NF1: variants seen among roughly 807,000 people sequenced by gnomAD.
NF1 encodes the protein neurofibromin 1.
A neutral mutation model predicts 325.7 loss-of-function variants in NF1; 122 were observed. The ratio of observed to expected loss-of-function variants is 0.37; its 90% confidence interval spans 0.32 to 0.44. The LOEUF (loss-of-function observed/expected upper bound fraction) is 0.44, where lower values mean the gene tolerates loss of function less well. NF1 is among the 20% of genes least tolerant of loss of function. The pLI is 1.00. For missense variants in NF1, 2,140 were observed against 3,415.4 expected, an observed-to-expected ratio of 0.63 and a Z score of 9.31; for synonymous variants, 1,091 against 1,186.0, an observed-to-expected ratio of 0.92 and a Z score of 1.65.
intron 36 of NF1, among the ~76,000 whole-genome samples, chr17:31,287,007 G>T (rs1411537899): frequency 6.6e-6 from 1 of 152,156 alleles, no homozygotes; most frequent in East Asian, 1.9e-4. Context: ...GCGTTTCCTG[G>T]TGTGAGTATT....
intron 48 of NF1, among the ~76,000 whole-genome samples, chr17:31,348,443 A>G (rs377272753): frequency 6.8e-6 from 1 of 146,970 alleles, no homozygotes; most frequent in Non-Finnish European, 1.5e-5. Flanking sequence ...TCTAGCCAAC[A>G]TTGAGTCACT....
chr17:31,097,822 A>G (rs1911899518), intron 1 of NF1, among the ~76,000 whole-genome samples: 1 of 151,938 alleles, frequency 6.6e-6, no homozygotes, highest in Admixed American at 6.6e-5. Flanking sequence ...TCAGTCTCCC[A>G]AGTAGCTGGG....
chr17:31,214,337 T>C, intron 12 of NF1, 114 bp from the exon 13 acceptor site: 1 of 722,268 alleles, frequency 1.4e-6, no homozygotes. Context: ...ACACATTTGG[T>C]AGTATAAAAA....
At chr17:31,337,982 A>AACACAAAGGTTTTTATAAGTTCTGTGG in intron 44 of NF1, 43 bp from the exon 45 acceptor site, 2 of 1,568,548 alleles carry the variant, frequency 1.3e-6, no homozygotes, top group Non-Finnish European at 1.8e-6. Flanking sequence ...AGTATATATA[A>AACACAAAGGTTTTTATAAGTTCTGTGG]ACACAAAGGT....
chr17:31,307,583 A>G (rs907811231), intron 36 of NF1, among the ~76,000 whole-genome samples: 2 of 152,216 alleles, frequency 1.3e-5, no homozygotes, highest in Non-Finnish European at 2.9e-5. Flanking sequence ...TACTTCTCCC[A>G]TCTAACTACC....
At position 31,225,142 on chromosome 17, in the gene NF1, A is replaced by T. The variant is rs1597710471; in HGVS notation, c.1893A>T (p.Gly631=). 1.2e-6 allele frequency: 2 copies of T among 1,613,738 alleles called. No homozygotes were observed. Among genetic ancestry groups the T allele is most frequent in the African/African-American group, 1.3e-5 (1 of 74,984 alleles). ...SCHFLLFYGV[G]CDIPSSGNTS... ...ACTTTCTCCTTTTTTACGGGGTAGG[A>T]TGTGATATTCCTTCTAGTGGAAATA... The change falls in exon 17 of 58, where the codon GGA becomes GGT. Residue 631 remains glycine (G), a synonymous_variant. Coordinates refer to ENST00000358273, the MANE Select transcript of NF1 (RefSeq NM_001042492.3).
In NF1 at chr17:31,263,120, T is replaced by TAGATAGATAGATAGATAAGATA. The variant is rs149743607; in HGVS notation, c.4724+1268_4724+1269insGATAGATAGATAAGATAAGATA. 1.8e-3 allele frequency among the ~76,000 whole-genome samples: 173 copies of TAGATAGATAGATAGATAAGATA among 95,766 alleles called. 1 individual carries two copies. Among genetic ancestry groups the TAGATAGATAGATAGATAAGATA allele is most frequent in the African/African-American group, 4.4e-3 (162 of 36,684 alleles). The allele number at this position is 95,766 out of a possible 152,430, so 62.8% of individuals were successfully genotyped here. A position where few individuals can be genotyped will look rare whatever the true frequency, so the allele number is the denominator to read the frequency against. On this transcript the variant is annotated intron_variant, in intron 35 of 57. Coordinates refer to ENST00000358273, the MANE Select transcript of NF1 (RefSeq NM_001042492.3). ...GTAGGTAGGTAGGTAGATAGATAGA[T>TAGATAGATAGATAGATAAGATA]AGATAAGATAAGATAAGATAAGATA...
chr17:31,106,467 T>C (rs1912873953), intron 1 of NF1, among the ~76,000 whole-genome samples: 1 of 152,206 alleles, frequency 6.6e-6, no homozygotes. Flanking sequence ...TATAATTAAC[T>C]GAGTTAAACT....
chr17:31,322,556 A>AT (rs2069237954), intron 36 of NF1, among the ~76,000 whole-genome samples: 1 of 147,378 alleles, frequency 6.8e-6, no homozygotes, highest in Non-Finnish European at 1.5e-5. Context: ...ATGGCAGCAC[A>AT]TATCTGTAAT....
intron 39 of NF1, among the ~76,000 whole-genome samples, chr17:31,332,288 A>G (rs565760232): frequency 1.3e-5 from 2 of 151,832 alleles, no homozygotes; most frequent in East Asian, 3.9e-4. Context: ...ATATGGTGAA[A>G]TCCCCTCTCT....
At chr17:31,252,845 T>G (rs966404582) in intron 30 of NF1, 93 bp from the exon 31 acceptor site, 4 of 992,090 alleles carry the variant, frequency 4.0e-6, no homozygotes, top group Non-Finnish European at 6.4e-6. Context: ...TGTGTTACAT[T>G]TTATGGTGTA....
intron 1 of NF1, among the ~76,000 whole-genome samples, chr17:31,153,861 G>T (rs1355955186): frequency 6.6e-6 from 1 of 151,156 alleles, no homozygotes; most frequent in Non-Finnish European, 1.5e-5. Flanking sequence ...CAGTCCTCCT[G>T]CCTCAGCCTC....
chr17:31,180,744 A>T (rs17883335), intron 5 of NF1, among the ~76,000 whole-genome samples: 2 of 152,170 alleles, frequency 1.3e-5, no homozygotes, highest in African/African-American at 4.8e-5. Context: ...AGTTCTGGCC[A>T]GGGCAATCAG....
At chr17:31,152,980 A>G (rs1466605457) in intron 1 of NF1, among the ~76,000 whole-genome samples, 2 of 151,970 alleles carry the variant, frequency 1.3e-5, no homozygotes, top group East Asian at 1.9e-4. Flanking sequence ...TTGTAGCTTT[A>G]TGTCTCTAGA....
intron 13 of NF1, 117 bp downstream of exon 13, chr17:31,214,702 G>A: frequency 1.2e-6 from 1 of 865,730 alleles, no homozygotes; most frequent in Non-Finnish European, 1.8e-6. Flanking sequence ...GATCCTTTCT[G>A]ATCATACCTG....
rs563874251 is a variant in NF1, at chr17:31,369,989, G to A, written c.8378-4024G>A. Among the ~76,000 whole-genome samples, 8 of 152,066 alleles carry A rather than the reference G, an allele frequency of 5.3e-5. No homozygotes were observed. In the South Asian group the frequency reaches 8.3e-4, roughly 16 times the overall value. ...TTTCAAGATATATTTTGGTGTAAAC[G>A]TAATGCATTTTAATTGTTTTTTTTT... On this transcript the variant is annotated intron_variant, in intron 57 of 57. Transcript: ENST00000358273.
intron 57 of NF1, among the ~76,000 whole-genome samples, chr17:31,373,324 T>C (rs1361954290): frequency 1.3e-5 from 2 of 152,206 alleles, no homozygotes; most frequent in African/African-American, 4.8e-5. Context: ...AATGAGGATG[T>C]GAATAAGGCT....
intron 40 of NF1, among the ~76,000 whole-genome samples, chr17:31,335,296 A>ATATATATATATATATATAGG (rs1440930498): frequency 4.0e-5 from 2 of 50,098 alleles, no homozygotes; most frequent in Non-Finnish European, 6.4e-5. Flanking sequence ...ATATATATAT[A>ATATATATATATATATATAGG]ATTATGCCTT....
chr17:31,298,141 G>A (rs574479872), intron 36 of NF1, among the ~76,000 whole-genome samples: 4 of 152,106 alleles, frequency 2.6e-5, no homozygotes, highest in Non-Finnish European at 5.9e-5. Context: ...TCAGAGTGTT[G>A]CACATTTCAT....
Sources: allele counts gnomAD v4.1 joint callset (sites outside exome capture counted in the v4.1 genomes callset), GRCh38; gene constraint gnomAD v4.1.1; transcripts MANE v1.5; gene names NCBI Gene and HGNC (gene_info 2026-07-23, HGNC 2026-07-21).